The following KIAA1549 variants were observed in gnomAD, a reference collection of about 807,000 sequenced individuals.
KIAA1549 encodes the protein UPF0606 protein KIAA1549.
Under a neutral mutation model 156.4 loss-of-function variants are expected in KIAA1549, and 70 were observed. The observed-to-expected ratio is 0.45, with a 90% CI of 0.37 to 0.55. The LOEUF (loss-of-function observed/expected upper bound fraction) is 0.55. Ranked by LOEUF, KIAA1549 falls within the 20% of genes least tolerant of loss-of-function variation. The probability of loss-of-function intolerance (pLI) is 0.00; values close to 1 mark genes in which losing one functional copy is unlikely to be tolerated. For missense variants in KIAA1549, 2,428 were observed against 2,540.9 expected (o/e 0.96, Z 0.96); for synonymous variants, 1,103 against 1,066.4 (o/e 1.03, Z -0.67).
intron 7 of KIAA1549, 84 bp downstream of exon 7, chr7:138,904,938 C>G (rs1285877575): frequency 1.7e-5 from 14 of 826,464 alleles, no homozygotes; most frequent in Non-Finnish European, 2.5e-5. Flanking sequence ...ATTTAGGAAA[C>G]AAGAAAGGCA....
At chr7:138,970,297 TA>T (rs1584792836) in intron 1 of KIAA1549, among the ~76,000 whole-genome samples, 1 of 152,270 alleles carries the variant, frequency 6.6e-6, no homozygotes, top group East Asian at 1.9e-4. Flanking sequence ...TCAACCACCC[TA>T]ACACCTGCTG....
chr7:138,881,335 A>C, intron 11 of KIAA1549, 53 bp downstream of exon 11: 1 of 1,544,928 alleles, frequency 6.5e-7, no homozygotes, highest in Non-Finnish European at 8.8e-7. Context: ...TCACAGCCTG[A>C]TAACAGAAGC....
In KIAA1549 at chr7:138,911,905, C is replaced by T. The variant is rs60300530; in HGVS notation, c.2967+467G>A. Among the ~76,000 whole-genome samples the T allele has an allele frequency of 6.6e-3, 1,006 of 152,288 alleles. 11 individuals carry two copies. Among genetic ancestry groups the T allele is most frequent in the African/African-American group, 0.023 (966 of 41,544 alleles). Reference sequence around the variant, plus strand: ...CATGCGTGGGGCGCGGTTCTGGTTCCGGATGGCTCTGCTCTAGATGGACTG... The same window carrying T: ...CATGCGTGGGGCGCGGTTCTGGTTCTGGATGGCTCTGCTCTAGATGGACTG... On this transcript the variant is annotated intron_variant, in intron 3 of 19. Transcript: ENST00000422774.
chr7:138,884,314 A>C (rs1191706909), intron 10 of KIAA1549, among the ~76,000 whole-genome samples: 2 of 151,872 alleles, frequency 1.3e-5, no homozygotes, highest in Admixed American at 6.6e-5. Context: ...CTGTAAACTA[A>C]GAACAAAATC....
intron 1 of KIAA1549, among the ~76,000 whole-genome samples, chr7:138,975,304 G>A (rs889007422): frequency 6.6e-6 from 1 of 152,154 alleles, no homozygotes; most frequent in African/African-American, 2.4e-5. Flanking sequence ...CAAGAGGGAA[G>A]AATAAAGGGA....
intron 10 of KIAA1549, among the ~76,000 whole-genome samples, chr7:138,892,149 C>T (rs1339572877): frequency 6.6e-6 from 1 of 152,164 alleles, no homozygotes; most frequent in Non-Finnish European, 1.5e-5. Flanking sequence ...AAAAGAGCAG[C>T]TCTAAGGGCT....
At chr7:138,846,061 C>CTAGTA (rs1259380076) in intron 17 of KIAA1549, among the ~76,000 whole-genome samples, 14 of 152,330 alleles carry the variant, frequency 9.2e-5, no homozygotes, top group African/African-American at 3.1e-4. Context: ...GTCACACAGA[C>CTAGTA]TACTAAAGAC....
chr7:138,909,397 A>C (rs1016332689), intron 4 of KIAA1549, among the ~76,000 whole-genome samples: 11 of 152,236 alleles, frequency 7.2e-5, no homozygotes, highest in African/African-American at 2.7e-4. Context: ...CAATGGATGG[A>C]AACATTTCAA....
rs762165089 is a variant in KIAA1549, at chr7:138,919,351, A to C, written c.275T>G (p.Val92Gly). The change falls in exon 2 of 20, where the codon GTG becomes GGG. Residue 92 changes from valine (V) to glycine (G), a missense_variant. Coordinates refer to ENST00000422774, the MANE Select transcript of KIAA1549 (RefSeq NM_001164665.2). ...GCCGGGAGCAGTTTCTGTTAAGGCCACTTGTGCAGCGCTGTGCCCAGTGCT... is the reference window on the plus strand; with the variant it reads ...GCCGGGAGCAGTTTCTGTTAAGGCCCCTTGTGCAGCGCTGTGCCCAGTGCT... ...KKSTGHSAAQ[V>G]ALTETAPGSQ... The C allele has an allele frequency of 6.2e-7, 1 of 1,613,998 alleles. No homozygotes were observed. The highest frequency in any genetic ancestry group is 2.2e-5 in the East Asian group (1 of 44,880).
chr7:138,933,911 A>G (rs986270039), intron 1 of KIAA1549, among the ~76,000 whole-genome samples: 5 of 152,276 alleles, frequency 3.3e-5, no homozygotes, highest in Admixed American at 6.5e-5. Context: ...GGTTGCAGTG[A>G]GCTGAGATTG....
rs1809644216 is a variant in KIAA1549 at position 138,834,468 on chromosome 7, G to C, written c.*3438C>G. On this transcript the variant is annotated 3_prime_UTR_variant, in exon 20 of 20. Transcript: ENST00000422774. ...CTGATCTCTTCGAATGAATTTTATT[G>C]ACACTTAAACCATGTTATTTATCGG... 1 of 214,866 alleles carries C rather than the reference G, an allele frequency of 4.7e-6. No individual in the cohort carries two copies. Among genetic ancestry groups the C allele is most frequent in the African/African-American group, 2.3e-5 (1 of 44,330 alleles). The allele number at this position is 214,866 out of a possible 1,614,324, so 13.3% of individuals were successfully genotyped here.
In KIAA1549 at chr7:138,890,425, T is replaced by C. The variant is rs150139930; in HGVS notation, c.4032+3917A>G. Among the ~76,000 whole-genome samples the C allele has an allele frequency of 2.6e-4, 40 of 152,344 alleles. No individual in the cohort carries two copies. The East Asian group carries it at 6.8e-3, about 26-fold the overall frequency. On this transcript the variant is annotated intron_variant, in intron 10 of 19. Transcript: ENST00000422774. ...GCATTTATTACCTGATTGATGTCAT[T>C]TGTGAAACGTCACCACAACCACCAT...
In KIAA1549 at chr7:138,869,554, T is replaced by C. The variant is rs1810860041; in HGVS notation, c.4759A>G (p.Ile1587Val). 1 of 1,573,404 alleles carries C rather than the reference T, an allele frequency of 6.4e-7. No homozygotes were observed. Among genetic ancestry groups the C allele is most frequent in the Non-Finnish European group, 8.6e-7 (1 of 1,160,534 alleles). Residue 1587 changes from isoleucine to valine, a missense_variant, in exon 14 of 20, where the codon ATA becomes GTA. Ile to Val is a conservative substitution (Grantham distance 29). This residue lies in a region of KIAA1549 where 404 missense variants were observed against 417.0 expected (regional missense o/e 0.97). Coordinates refer to ENST00000422774, the MANE Select transcript of KIAA1549 (RefSeq NM_001164665.2). ...CCAGCCCACCTCTTCCTGGGCTCTA[T>C]GAACACGGAGGGCACGCTGGCCGTG... is the stretch of plus-strand genomic sequence containing the variant. ...DPTASVPSVF[I>V]EPRKSSRIKR...
At chr7:138,945,497 T>C (rs992115406) in intron 1 of KIAA1549, among the ~76,000 whole-genome samples, 5 of 152,254 alleles carry the variant, frequency 3.3e-5, no homozygotes, top group African/African-American at 1.2e-4. Flanking sequence ...GAAGGTGACC[T>C]TGACCCCACT....
intron 1 of KIAA1549, among the ~76,000 whole-genome samples, chr7:138,942,233 A>G (rs1305955198): frequency 6.6e-6 from 1 of 152,156 alleles, no homozygotes; most frequent in Non-Finnish European, 1.5e-5. Context: ...CCAGATTATC[A>G]TTCTTGAGCA....
At position 138,981,022 on chromosome 7, in the gene KIAA1549, A is replaced by G; in HGVS notation, c.187+61T>C. On this transcript the variant is annotated intron_variant, in intron 1 of 19. Coordinates refer to ENST00000422774, the MANE Select transcript of KIAA1549 (RefSeq NM_001164665.2). This position sits in a 1 kb window ranked among gnomAD's most constrained non-coding sequence, Gnocchi z 4.5. Reference sequence around the variant, plus strand: ...GGCGGGGAAAGCCGGGGTTTTGAAAACAGCAGCGATAAAGGCAGGCGGGGT... The same window carrying G: ...GGCGGGGAAAGCCGGGGTTTTGAAAGCAGCAGCGATAAAGGCAGGCGGGGT... 8.3e-7 allele frequency: 1 copy of G among 1,198,376 alleles called. No individual in the cohort carries two copies. Among genetic ancestry groups the G allele is most frequent in the Non-Finnish European group, 1.0e-6 (1 of 964,608 alleles). 74.2% of individuals were successfully genotyped at this position (1,198,376 alleles called of 1,614,324 possible).
chr7:138,842,075 C>T (rs1809936659), intron 18 of KIAA1549, among the ~76,000 whole-genome samples: 1 of 152,342 alleles, frequency 6.6e-6, no homozygotes. Context: ...GCCCAACAGA[C>T]GTTGTTTGAG....
chr7:138,860,788 C>T (rs1810547578), intron 16 of KIAA1549, among the ~76,000 whole-genome samples: 1 of 150,720 alleles, frequency 6.6e-6, no homozygotes, highest in African/African-American at 2.5e-5. Context: ...TTTCTGGAGA[C>T]ATCAACAAGA....
At chr7:138,975,749 A>C (rs1814357794) in intron 1 of KIAA1549, among the ~76,000 whole-genome samples, 1 of 152,208 alleles carries the variant, frequency 6.6e-6, no homozygotes, top group Non-Finnish European at 1.5e-5. Context: ...CTTGAAAACA[A>C]ATTAGATCAG....
Sources: allele counts gnomAD v4.1 joint callset (sites outside exome capture counted in the v4.1 genomes callset), GRCh38; gene constraint gnomAD v4.1.1; regional missense constraint gnomAD v4.1.1; non-coding constraint Gnocchi (gnomAD v3.1); transcripts MANE v1.5; gene names NCBI Gene and HGNC (gene_info 2026-07-23, HGNC 2026-07-21).